Variants in BTBD16 observed in about 807,000 individuals in gnomAD.
The protein encoded by BTBD16 is BTB domain containing 16, also known as BTB/POZ domain-containing protein 16.
A neutral mutation model predicts 67.4 loss-of-function variants in BTBD16; 66 were observed. That is an observed-to-expected ratio of 0.98 (90% CI 0.80 to 1.20). The LOEUF (loss-of-function observed/expected upper bound fraction) is 1.20. Among genes scored for constraint, BTBD16 ranks in the 50% most tolerant of loss-of-function variants. The probability of loss-of-function intolerance (pLI) is 0.00; values close to 1 mark genes in which losing one functional copy is unlikely to be tolerated. For missense variants in BTBD16, 634 were observed against 616.0 expected (o/e 1.03, Z -0.31); for synonymous variants, 242 against 236.4 (o/e 1.02, Z -0.22).
intron 13 of BTBD16, 83 bp from the exon 14 acceptor site, chr10:122,334,798 A>G: frequency 1.2e-6 from 1 of 813,730 alleles, no homozygotes; most frequent in Non-Finnish European, 2.1e-6. Context: ...CTGGGATTAC[A>G]GGTGTGAACC....
At chr10:122,333,455 A>G (rs1218660957) in intron 13 of BTBD16, among the ~76,000 whole-genome samples, 1 of 152,208 alleles carries the variant, frequency 6.6e-6, no homozygotes, top group African/African-American at 2.4e-5. Flanking sequence ...TAAGTCTACT[A>G]CTAACTTCTA....
intron 7 of BTBD16, among the ~76,000 whole-genome samples, chr10:122,292,942 T>G (rs1316924141): frequency 6.6e-6 from 1 of 152,260 alleles, no homozygotes. Flanking sequence ...ATTCCATTAA[T>G]GCTTATGAAA....
rs1565044044 is a variant in BTBD16, at chr10:122,337,994, CTTTGTTTTTTTTCATGT to C, written c.1453-19_1453-3del. On this transcript the variant is annotated splice_polypyrimidine_tract_variant and splice_region_variant and intron_variant, in intron 15 of 15. Transcript: ENST00000260723. ...GTGTTCATCCTAAAAGTCACATTCA[CTTTGTTTTTTTTCATGT>C]TTTAGACCTTGAAAATCCAAACTGT... 16 of 1,596,590 alleles carry C rather than the reference CTTTGTTTTTTTTCATGT, an allele frequency of 1.0e-5. No homozygotes were observed. The highest frequency in any genetic ancestry group is 1.3e-5 in the Non-Finnish European group (15 of 1,164,980).
chr10:122,338,006 TCA>T lies in BTBD16; in HGVS notation c.1453-10_1453-9del. On this transcript the variant is annotated splice_polypyrimidine_tract_variant and intron_variant, in intron 15 of 15. Transcript: ENST00000260723. Reference sequence around the variant, plus strand: ...AAAGTCACATTCACTTTGTTTTTTTTCATGTTTTAGACCTTGAAAATCCAAAC... The same window carrying T: ...AAAGTCACATTCACTTTGTTTTTTTTTGTTTTAGACCTTGAAAATCCAAAC... 1 of 1,606,628 alleles carries T rather than the reference TCA, an allele frequency of 6.2e-7. No individual in the cohort carries two copies. Among genetic ancestry groups the T allele is most frequent in the South Asian group, 1.1e-5 (1 of 90,406 alleles).
chr10:122,290,066 C>T (rs928280443), intron 6 of BTBD16, 68 bp downstream of exon 6: 2 of 1,116,354 alleles, frequency 1.8e-6, no homozygotes, highest in African/African-American at 1.5e-5. Context: ...TTTAAAAATG[C>T]ACAAGCAACA....
Position 122,316,165 on chromosome 10 carries a change from G to A in BTBD16, c.911+8857G>A, listed in dbSNP as rs894157745. On this transcript the variant is annotated intron_variant, in intron 10 of 15. Transcript: ENST00000260723. ...GTCTGTAATTCCAGCTACTTGGGAG[G>A]CTGAGGCAAGAGAATCGCTTGAACC... 3.3e-5 allele frequency among the ~76,000 whole-genome samples: 5 copies of A among 152,288 alleles called. No homozygotes were observed. In the South Asian group the frequency reaches 6.2e-4, roughly 19 times the overall value.
chr10:122,301,056 C>T (rs2096392852), intron 9 of BTBD16, among the ~76,000 whole-genome samples: 1 of 152,198 alleles, frequency 6.6e-6, no homozygotes, highest in Admixed American at 6.5e-5. Context: ...AGCCTCATGC[C>T]AGCCCAGGGC....
intron 4 of BTBD16, among the ~76,000 whole-genome samples, chr10:122,284,445 T>C (rs1031533511): frequency 1.9e-5 from 2 of 103,990 alleles, no homozygotes; most frequent in African/African-American, 6.6e-5. Flanking sequence ...CAAGACTCCA[T>C]CTCAAAAAAA....
intron 3 of BTBD16, among the ~76,000 whole-genome samples, chr10:122,281,780 G>T (rs896523323): frequency 1.3e-5 from 2 of 152,170 alleles, no homozygotes; most frequent in African/African-American, 2.4e-5. Context: ...AATCAAATTG[G>T]CATTTTGCCC....
chr10:122,293,896 C>T (rs1038248611), intron 7 of BTBD16, among the ~76,000 whole-genome samples: 12 of 152,178 alleles, frequency 7.9e-5, no homozygotes, highest in Admixed American at 2.0e-4. Flanking sequence ...GACTGGAAGC[C>T]GCATTTAACC....
At chr10:122,298,734 C>T (rs544975028) in intron 8 of BTBD16, among the ~76,000 whole-genome samples, 13 of 152,224 alleles carry the variant, frequency 8.5e-5, no homozygotes, top group South Asian at 2.1e-4. Flanking sequence ...AACCTGGGAG[C>T]GTCAGTTTCC....
intron 10 of BTBD16, among the ~76,000 whole-genome samples, chr10:122,316,043 G>A (rs2096423667): frequency 6.6e-6 from 1 of 152,198 alleles, no homozygotes; most frequent in South Asian, 2.1e-4. Flanking sequence ...GAGGCAGGCA[G>A]ATCACCTGAG....
chr10:122,329,375 G>A (rs2096451030), intron 10 of BTBD16, 105 bp from the exon 11 acceptor site: 5 of 1,040,810 alleles, frequency 4.8e-6, no homozygotes, highest in Non-Finnish European at 7.2e-6. Context: ...TCTCCCCCTG[G>A]CTAGTGAAGC....
At chr10:122,288,491 T>G (rs1018550739) in intron 5 of BTBD16, among the ~76,000 whole-genome samples, 4 of 152,204 alleles carry the variant, frequency 2.6e-5, no homozygotes, top group Admixed American at 6.5e-5. Context: ...CACATCATTT[T>G]TCATTATCTG....
Position 122,329,492 on chromosome 10 carries a change from C to A in BTBD16, c.924C>A (p.Asn308Lys). Reference protein sequence around the residue: ...VMTFFKSFPENCCFLDRDIGR... With the variant: ...VMTFFKSFPEKCCFLDRDIGR... The stretch of plus-strand genomic sequence containing the variant: ...TGCCTCTGCTAAGCTTTCCTGAGAA[C>A]TGTTGCTTTCTGGACCGGGACATAG... The change falls in exon 11 of 16, where the codon AAC (asparagine) becomes AAA (lysine). Residue 308 changes from asparagine to lysine, a missense_variant. Asn to Lys is a moderately conservative substitution (Grantham distance 94). Coordinates refer to ENST00000260723, the MANE Select transcript of BTBD16 (RefSeq NM_144587.5). The A allele has an allele frequency of 6.2e-7, 1 of 1,613,924 alleles. No homozygotes were observed. The highest frequency in any genetic ancestry group is 8.5e-7 in the Non-Finnish European group (1 of 1,180,000).
chr10:122,320,934 G>C (rs374209536), intron 10 of BTBD16, among the ~76,000 whole-genome samples: 1 of 151,894 alleles, frequency 6.6e-6, no homozygotes. Context: ...GCTCAGGTGC[G>C]GTACAATGGA....
intron 7 of BTBD16, among the ~76,000 whole-genome samples, chr10:122,295,132 C>T (rs888818794): frequency 1.3e-5 from 2 of 152,166 alleles, no homozygotes; most frequent in Non-Finnish European, 2.9e-5. Context: ...GTATGGGGAG[C>T]GCTGCTTCCC....
chr10:122,311,053 C>T (rs551884524), intron 10 of BTBD16, among the ~76,000 whole-genome samples: 19 of 152,292 alleles, frequency 1.2e-4, no homozygotes, highest in Admixed American at 3.3e-4. Flanking sequence ...TCTCCAGCAA[C>T]GACTATACCC....
chr10:122,333,976 G>A (rs2096458917), intron 13 of BTBD16, among the ~76,000 whole-genome samples: 2 of 151,782 alleles, frequency 1.3e-5, no homozygotes, highest in African/African-American at 4.8e-5. Flanking sequence ...ATTAATATGT[G>A]GTATAGAATT....
Sources: allele counts gnomAD v4.1 joint callset (sites outside exome capture counted in the v4.1 genomes callset), GRCh38; gene constraint gnomAD v4.1.1; transcripts MANE v1.5; gene names NCBI Gene and HGNC (gene_info 2026-07-23, HGNC 2026-07-21).